Variants in SYT1 observed in about 807,000 individuals in gnomAD.
SYT1 encodes the protein synaptotagmin-1.
SYT1 carries 8 observed loss-of-function variants against 44.8 expected under a neutral mutation model. The observed-to-expected ratio is 0.18, with a 90% CI of 0.10 to 0.32. SYT1 has a LOEUF of 0.32. Ranked by LOEUF, SYT1 falls within the 10% of genes least tolerant of loss-of-function variation. The pLI is 1.00. For synonymous variants in SYT1, 154 were observed against 188.8 expected (o/e 0.82, Z 1.51); for missense variants, 286 against 509.3 (o/e 0.56, Z 4.22).
intron 3 of SYT1, among the ~76,000 whole-genome samples, chr12:79,061,618 T>A (rs931629271): frequency 2.6e-5 from 4 of 152,144 alleles, no homozygotes; most frequent in Non-Finnish European, 5.9e-5. Flanking sequence ...CATTTTTAAC[T>A]AATTAAAATA....
chr12:78,976,274 T>C (rs982626594), intron 1 of SYT1, among the ~76,000 whole-genome samples: 6 of 152,206 alleles, frequency 3.9e-5, no homozygotes, highest in African/African-American at 1.4e-4. Context: ...TTAATATTCA[T>C]TAAATAAATC....
chr12:79,021,755 C>G (rs968198148), intron 2 of SYT1, among the ~76,000 whole-genome samples: 5 of 151,606 alleles, frequency 3.3e-5, no homozygotes, highest in Admixed American at 2.0e-4. Flanking sequence ...AATGCCCAAA[C>G]CTAGGCTTTT....
intron 1 of SYT1, among the ~76,000 whole-genome samples, chr12:78,955,957 T>C (rs1879193162): frequency 6.6e-6 from 1 of 151,928 alleles, no homozygotes; most frequent in Non-Finnish European, 1.5e-5. Context: ...TTTCTTTGGC[T>C]GAAAATAAAT....
chr12:79,178,934 A>G (rs1410167951), intron 3 of SYT1, among the ~76,000 whole-genome samples: 2 of 40,476 alleles, frequency 4.9e-5, no homozygotes, highest in African/African-American at 5.8e-4. Flanking sequence ...ATATATCTAT[A>G]TAGATATAGA....
At chr12:79,423,190 A>G (rs538018292) in intron 9 of SYT1, among the ~76,000 whole-genome samples, 135 of 152,206 alleles carry the variant, frequency 8.9e-4, no homozygotes, top group African/African-American at 3.0e-3. Flanking sequence ...CTGTGCGCCC[A>G]CACATGTGTG....
intron 3 of SYT1, among the ~76,000 whole-genome samples, chr12:79,203,347 C>T (rs1328170279): frequency 6.6e-6 from 1 of 152,140 alleles, no homozygotes; most frequent in Admixed American, 6.6e-5. Flanking sequence ...CTCATACTTA[C>T]GACATGGCTG....
intron 8 of SYT1, among the ~76,000 whole-genome samples, chr12:79,314,049 G>A (rs543844062): frequency 6.7e-6 from 1 of 150,370 alleles, no homozygotes; most frequent in South Asian, 2.1e-4. Flanking sequence ...GGCGCCTGTA[G>A]TCCCAGCTAC....
At chr12:79,387,452 C>G (rs1443565579) in intron 9 of SYT1, among the ~76,000 whole-genome samples, 1 of 152,168 alleles carries the variant, frequency 6.6e-6, no homozygotes, top group Non-Finnish European at 1.5e-5. Context: ...GCATCAATCT[C>G]TCAATGAAAA....
intron 8 of SYT1, among the ~76,000 whole-genome samples, chr12:79,335,390 CT>C (rs72071132): frequency 0.075 from 10,284 of 137,574 alleles, 759 homozygotes; most frequent in African/African-American, 0.2. Context: ...TTCTCTGATG[CT>C]TTTTTTTTTT....
intron 2 of SYT1, among the ~76,000 whole-genome samples, chr12:79,005,529 T>C (rs1871018634): frequency 6.6e-6 from 1 of 152,076 alleles, no homozygotes; most frequent in African/African-American, 2.4e-5. Context: ...AATTAGATAG[T>C]ATATGTAAAA....
At chr12:79,025,557 G>A (rs190528957) in intron 2 of SYT1, among the ~76,000 whole-genome samples, 31 of 151,512 alleles carry the variant, frequency 2.0e-4, no homozygotes, top group East Asian at 1.8e-3. Context: ...GCTATTATAC[G>A]TTGTAGAATA....
chr12:79,339,000 A>T (rs1359251077), intron 8 of SYT1, among the ~76,000 whole-genome samples: 1 of 152,084 alleles, frequency 6.6e-6, no homozygotes, highest in Non-Finnish European at 1.5e-5. Context: ...ACATGAATTC[A>T]TCCTTTTTTA....
At chr12:79,447,763 T>C (rs1405356284) in intron 10 of SYT1, among the ~76,000 whole-genome samples, 1 of 152,212 alleles carries the variant, frequency 6.6e-6, no homozygotes, top group African/African-American at 2.4e-5. Flanking sequence ...ATGTGTTGCA[T>C]TTCACATTCT....
chr12:78,888,948 G>C (rs996185259), intron 1 of SYT1, among the ~76,000 whole-genome samples: 3 of 151,838 alleles, frequency 2.0e-5, no homozygotes, highest in Non-Finnish European at 4.4e-5. Flanking sequence ...CCAGAAAAAG[G>C]CAATTGTAAT....
chr12:78,917,989 G>A (rs948168014), intron 1 of SYT1, among the ~76,000 whole-genome samples: 1 of 152,032 alleles, frequency 6.6e-6, no homozygotes, highest in South Asian at 2.1e-4. Flanking sequence ...GCTCAGAAAT[G>A]TACAAGCAAT....
chr12:79,062,104 G>A (rs1193169205), intron 3 of SYT1, among the ~76,000 whole-genome samples: 1 of 152,060 alleles, frequency 6.6e-6, no homozygotes, highest in Admixed American at 6.6e-5. Context: ...TCTCCCTCAA[G>A]GCTGCTCAAT....
At chr12:78,985,497 T>G (rs1869578439) in intron 2 of SYT1, among the ~76,000 whole-genome samples, 1 of 150,922 alleles carries the variant, frequency 6.6e-6, no homozygotes, top group South Asian at 2.1e-4. Flanking sequence ...GAAGGAGAAA[T>G]GACCACTATC....
intron 4 of SYT1, among the ~76,000 whole-genome samples, chr12:79,224,025 C>T (rs1875335479): frequency 2.6e-5 from 4 of 152,248 alleles, no homozygotes; most frequent in Admixed American, 2.6e-4. Flanking sequence ...TAGTATTATG[C>T]TACTACCAGT....
intron 3 of SYT1, among the ~76,000 whole-genome samples, chr12:79,139,275 G>GA (rs1869403014): frequency 1.3e-5 from 2 of 152,202 alleles, no homozygotes; most frequent in South Asian, 4.1e-4. Flanking sequence ...AAGCAAGAAT[G>GA]AGAGAGTATA....
Sources: gnomAD v4.1 joint callset for allele counts (sites outside exome capture counted in the v4.1 genomes callset) on GRCh38, gnomAD v4.1.1 for gene constraint, MANE v1.5 for transcripts, NCBI Gene and HGNC (gene_info 2026-07-23, HGNC 2026-07-21) for gene names.